CIZ1: variants seen among roughly 807,000 people sequenced by gnomAD.
CIZ1 encodes CDKN1A interacting zinc finger protein 1, also known as cip1-interacting zinc finger protein.
A neutral mutation model predicts 118.6 loss-of-function variants in CIZ1; 58 were observed. That is an observed-to-expected ratio of 0.49 (90% CI 0.40 to 0.61). The LOEUF (loss-of-function observed/expected upper bound fraction) is 0.61. Ranked by LOEUF, CIZ1 falls within the 20% of genes least tolerant of loss-of-function variation. The pLI, the probability that CIZ1 is intolerant of heterozygous loss-of-function variation, is 0.00. For missense variants in CIZ1, 921 were observed against 1,115.9 expected (o/e 0.83, Z 2.49); for synonymous variants, 448 against 443.4 (o/e 1.01, Z -0.13).
chr9:128,176,269 A>C, intron 11 of CIZ1, 82 bp downstream of exon 11: 3 of 1,553,706 alleles, frequency 1.9e-6, no homozygotes, highest in Non-Finnish European at 2.6e-6. Context: ...CCCAAAGGTA[A>C]ACCCTGCAGA....
chr9:128,195,997 C>T (rs1044220210), upstream of CIZ1, among the ~76,000 whole-genome samples: 1 of 152,044 alleles, frequency 6.6e-6, no homozygotes, highest in Admixed American at 6.6e-5. Flanking sequence ...TCCCAAGTAG[C>T]TGGGATTACA....
At position 128,166,199 on chromosome 9, in the gene CIZ1, A is replaced by C. The variant is rs774961220; in HGVS notation, c.2695T>G (p.Ter899GlyextTer1). 2 of 1,407,356 alleles carry C rather than the reference A, an allele frequency of 1.4e-6. No individual in the cohort carries two copies. Among genetic ancestry groups the C allele is most frequent in the Non-Finnish European group, 1.9e-6 (2 of 1,063,368 alleles). The allele number at this position is 1,407,356 out of a possible 1,614,324, so 87.2% of individuals were successfully genotyped here. The change falls in exon 17 of 17, where the codon TGA becomes GGA. Residue 899 changes from the stop codon to glycine (G), a stop_lost. Transcript: ENST00000372938. This position sits in a 1 kb window ranked among gnomAD's most constrained non-coding sequence, Gnocchi z 4.4. ...LPRRSTRLKT[*>G] is the part of the protein sequence containing the mutation. ...CCAGGGACAGGGAGGTCCCTCTATC[A>C]GGTTTTGAGGCGGGTTGAGCGCCGA...
At chr9:128,193,986 T>C (rs1382873782), upstream of CIZ1, among the ~76,000 whole-genome samples, 2 of 152,194 alleles carry the variant, frequency 1.3e-5, no homozygotes, top group Non-Finnish European at 2.9e-5. Flanking sequence ...CTAAAAATAA[T>C]GCTTGTGCTG....
At chr9:128,184,015 T>C (rs553082445) in intron 5 of CIZ1, among the ~76,000 whole-genome samples, 1 of 152,254 alleles carries the variant, frequency 6.6e-6, no homozygotes, top group South Asian at 2.1e-4. Context: ...TGATCTGCCC[T>C]CCTCAGCCTC....
intron 3 of CIZ1, among the ~76,000 whole-genome samples, chr9:128,189,156 C>T (rs962545659): frequency 1.3e-4 from 19 of 151,850 alleles, no homozygotes; most frequent in African/African-American, 3.9e-4. Flanking sequence ...AAGCTGTTCT[C>T]GAACTCCTGG....
intron 11 of CIZ1, among the ~76,000 whole-genome samples, chr9:128,175,676 G>A (rs1273286320): frequency 6.6e-6 from 1 of 152,154 alleles, no homozygotes; most frequent in Non-Finnish European, 1.5e-5. Context: ...TTAACATTTT[G>A]AAATTGGGAG....
In CIZ1 at chr9:128,172,504, A is replaced by T. The variant is rs751964824; in HGVS notation, c.1944-2397T>A. On this transcript the variant is annotated intron_variant, in intron 11 of 16. Transcript: ENST00000372938. ...CGAGACTCCCTCTCAAAAAAAAACC[A>T]AAAAAAGTGTCTCACTCAGCGAAAA... Among the ~76,000 whole-genome samples, 28 of 152,170 alleles carry T rather than the reference A, an allele frequency of 1.8e-4. 1 individual carries two copies. Among genetic ancestry groups the T allele is most frequent in the Non-Finnish European group, 2.5e-4 (17 of 67,984 alleles).
chr9:128,169,335 A>G, intron 13 of CIZ1, 71 bp downstream of exon 13: 1 of 1,494,634 alleles, frequency 6.7e-7, no homozygotes, highest in Non-Finnish European at 9.3e-7. Flanking sequence ...ATAAACCTCA[A>G]CTTGCTACAC....
intron 11 of CIZ1, 148 bp downstream of exon 11, chr9:128,176,203 T>G (rs1588156691): frequency 1.0e-6 from 1 of 960,286 alleles, no homozygotes; most frequent in East Asian, 2.6e-5. Flanking sequence ...AAAACTGAGG[T>G]TCAAGGTCAC....
chr9:128,166,978 G>A lies in CIZ1; in HGVS notation c.2366-98C>T, dbSNP rs575531119. On this transcript the variant is annotated intron_variant, in intron 15 of 16. Coordinates refer to ENST00000372938, the MANE Select transcript of CIZ1 (RefSeq NM_001131016.2). The surrounding 1 kb of genome is among the most constrained non-coding windows in gnomAD (Gnocchi z 4.4). Reference sequence around the variant, plus strand: ...CATGTGCTCCCCAACCCTCTAGGCAGGGGCAGAAGAGAAGGCTTCCCAGCC... The same window carrying A: ...CATGTGCTCCCCAACCCTCTAGGCAAGGGCAGAAGAGAAGGCTTCCCAGCC... 28 of 1,605,864 alleles carry A rather than the reference G, an allele frequency of 1.7e-5. No individual in the cohort carries two copies. The African/African-American group carries it at 3.3e-4, about 19-fold the overall frequency.
At chr9:128,191,646 C>T, upstream of CIZ1, 1 of 1,230,476 alleles carries the variant, frequency 8.1e-7, no homozygotes, top group Non-Finnish European at 1.0e-6. The surrounding 1 kb of genome is among the most constrained non-coding windows in gnomAD (Gnocchi z 5.5). Flanking sequence ...CCGGCCGCGC[C>T]ACCCGAGCCC....
rs1829477625 is a variant in CIZ1, at chr9:128,166,742, C to G, written c.2487+17G>C. ...AGTCTGTGGCCAGGGGAGGACAGGG[C>G]AGGATGTCCGGCTCACCTGCAGGTT... On this transcript the variant is annotated intron_variant, in intron 16 of 16. Transcript: ENST00000372938. The surrounding 1 kb of genome is among the most constrained non-coding windows in gnomAD (Gnocchi z 4.4). 1 of 1,614,020 alleles carries G rather than the reference C, an allele frequency of 6.2e-7. No individual in the cohort carries two copies. Among genetic ancestry groups the G allele is most frequent in the Non-Finnish European group, 8.5e-7 (1 of 1,179,994 alleles).
At chr9:128,172,475 G>A (rs1221044595) in intron 11 of CIZ1, among the ~76,000 whole-genome samples, 54 of 152,016 alleles carry the variant, frequency 3.6e-4, no homozygotes, top group Non-Finnish European at 7.2e-4. Flanking sequence ...CCTGGGCAAC[G>A]GAGCGAGACT....
At position 128,170,061 on chromosome 9, in the gene CIZ1, T is replaced by C. The variant is rs1476100195; in HGVS notation, c.1990A>G (p.Met664Val). ...RWCNTCQLYY[M>V]GDLIQHRRTQ... Reference sequence around the variant, plus strand: ...CTGCGGTGTTGGATCAGGTCCCCCATGTAGTAGAGCTGGCAGGTGTTGCAC... The same window carrying C: ...CTGCGGTGTTGGATCAGGTCCCCCACGTAGTAGAGCTGGCAGGTGTTGCAC... Residue 664 changes from methionine to valine, a missense_variant, in exon 12 of 17, where the codon ATG (methionine) becomes GTG (valine). Coordinates refer to ENST00000372938, the MANE Select transcript of CIZ1 (RefSeq NM_001131016.2). The C allele has an allele frequency of 6.2e-6, 10 of 1,614,066 alleles. No homozygotes were observed. Among genetic ancestry groups the C allele is most frequent in the Non-Finnish European group, 8.5e-6 (10 of 1,179,998 alleles).
chr9:128,198,396 TC>T (rs914194395), intron 1 of CIZ1: 1 of 152,148 alleles, frequency 6.6e-6, no homozygotes, highest in Non-Finnish European at 1.5e-5. Context: ...AATGAATGAC[TC>T]CAAAGAGCCA....
chr9:128,190,432 C>CG lies in CIZ1; in HGVS notation c.182dup (p.Gln62AlafsTer47), dbSNP rs770770510. 6.2e-7 allele frequency: 1 copy of CG among 1,612,352 alleles called. No individual in the cohort carries two copies. The highest frequency in any genetic ancestry group is 8.5e-7 in the Non-Finnish European group (1 of 1,179,088). On this transcript the variant is annotated frameshift_variant, in exon 3 of 17. Transcript: ENST00000372938. LOFTEE classifies it high-confidence loss of function. ...TCAGAAGCGGCTGCTGTGGCTGCTG[C>CG]GGGGGGAGCCCCCTGTGTGTTGGGA...
intron 4 of CIZ1, 105 bp from the exon 5 acceptor site, chr9:128,185,881 T>C (rs1017781002): frequency 2.5e-5 from 20 of 815,866 alleles, no homozygotes; most frequent in East Asian, 1.1e-4. Flanking sequence ...TCCCAGATAA[T>C]TGAAAGGGAC....
At chr9:128,188,066 C>CA (rs1832634108) in intron 3 of CIZ1, 132 bp from the exon 4 acceptor site, 2 of 126,908 alleles carry the variant, frequency 1.6e-5, no homozygotes, top group Non-Finnish European at 2.8e-5. Context: ...AAAAAAAAAA[C>CA]CCAAAACAAA....
chr9:128,187,992 G>GACTC, intron 3 of CIZ1, 58 bp from the exon 4 acceptor site: 1 of 439,410 alleles, frequency 2.3e-6, no homozygotes, highest in South Asian at 2.2e-5. Flanking sequence ...CATCCCCCCT[G>GACTC]ACTCAGTGAG....
Sources: gnomAD v4.1 joint callset for allele counts (sites outside exome capture counted in the v4.1 genomes callset) on GRCh38, gnomAD v4.1.1 for gene constraint, Gnocchi (gnomAD v3.1) non-coding constraint, MANE v1.5 for transcripts, NCBI Gene and HGNC (gene_info 2026-07-23, HGNC 2026-07-21) for gene names.